Variants in LRP1B observed in about 807,000 individuals in gnomAD.
The protein encoded by LRP1B is LDL receptor related protein 1B.
A neutral mutation model predicts 556.6 loss-of-function variants in LRP1B; 217 were observed. The ratio of observed to expected loss-of-function variants is 0.39; its 90% CI spans 0.35 to 0.44. The LOEUF (loss-of-function observed/expected upper bound fraction) is 0.44, where lower values mean the gene tolerates loss of function less well. LRP1B is among the 20% of genes least tolerant of loss of function. The pLI, the probability that LRP1B is intolerant of heterozygous loss-of-function variation, is 1.00. For missense variants in LRP1B, 5,053 were observed against 5,620.8 expected (o/e 0.90, Z 3.23); for synonymous variants, 2,047 against 1,865.8 (o/e 1.10, Z -2.50).
chr2:140,779,419 G>A (rs1202829581), intron 32 of LRP1B, among the ~76,000 whole-genome samples: 2 of 152,052 alleles, frequency 1.3e-5, no homozygotes, highest in Non-Finnish European at 2.9e-5. Context: ...AAGTGTGGCC[G>A]GGCATGGTGG....
rs570137471 is a variant in LRP1B at position 140,248,741 on chromosome 2, G to T, written c.13248-1579C>A. 7.9e-5 allele frequency among the ~76,000 whole-genome samples: 12 copies of T among 151,312 alleles called. No homozygotes were observed. In the South Asian group the frequency reaches 2.3e-3, roughly 29 times the overall value. ...AAAATGTTCCAATTCTTCACATATTGTAATCATTGACACAGTCCACGGGTA... is the reference window on the plus strand; with the variant it reads ...AAAATGTTCCAATTCTTCACATATTTTAATCATTGACACAGTCCACGGGTA... On this transcript the variant is annotated intron_variant, in intron 86 of 90. Transcript: ENST00000389484.
chr2:141,622,388 A>G (rs964371974), intron 2 of LRP1B, among the ~76,000 whole-genome samples: 1 of 152,224 alleles, frequency 6.6e-6, no homozygotes, highest in African/African-American at 2.4e-5. Context: ...AATGTTGAAT[A>G]AAGAGAAAGT....
At chr2:141,435,889 A>G (rs1215155426) in intron 3 of LRP1B, among the ~76,000 whole-genome samples, 1 of 152,108 alleles carries the variant, frequency 6.6e-6, no homozygotes. Flanking sequence ...GTGGGAGGAG[A>G]AACACTGGCA....
In LRP1B at chr2:140,769,356, G is replaced by GC; in HGVS notation, c.5627-13dup. On this transcript the variant is annotated splice_polypyrimidine_tract_variant and intron_variant, in intron 34 of 90. Coordinates refer to ENST00000389484, the MANE Select transcript of LRP1B (RefSeq NM_018557.3). ...AAATGATTCTATACCTAAATGCAGG[G>GC]CCGGAGATAAGGGGGGGAAGGGAAG... 6.3e-7 allele frequency: 1 copy of GC among 1,589,676 alleles called. No homozygotes were observed. Among genetic ancestry groups the GC allele is most frequent in the Admixed American group, 1.8e-5 (1 of 56,040 alleles).
chr2:141,931,388 G>A (rs7597980), intron 1 of LRP1B, among the ~76,000 whole-genome samples: 11,704 of 151,868 alleles, frequency 0.077, 1,496 homozygotes, highest in African/African-American at 0.27. Context: ...TTTTAAAAGG[G>A]GTGGCACTGA....
At chr2:140,263,359 A>G (rs1274866754) in intron 86 of LRP1B, among the ~76,000 whole-genome samples, 1 of 152,158 alleles carries the variant, frequency 6.6e-6, no homozygotes, top group Non-Finnish European at 1.5e-5. Context: ...AGTTATACTC[A>G]GGTGGTTGAA....
chr2:140,827,058 G>T (rs1207619565), intron 31 of LRP1B, among the ~76,000 whole-genome samples: 1 of 152,014 alleles, frequency 6.6e-6, no homozygotes, highest in African/African-American at 2.4e-5. Flanking sequence ...AGGTAAATTT[G>T]GGATTAATAT....
intron 1 of LRP1B, among the ~76,000 whole-genome samples, chr2:142,013,739 T>A (rs192002628): frequency 5.9e-5 from 9 of 152,212 alleles, no homozygotes; most frequent in Admixed American, 4.6e-4. Flanking sequence ...ATTATAATTT[T>A]AAAAAAGTAG....
chr2:141,270,846 T>C (rs1249232398), intron 3 of LRP1B, among the ~76,000 whole-genome samples: 1 of 151,964 alleles, frequency 6.6e-6, no homozygotes, highest in Non-Finnish European at 1.5e-5. Flanking sequence ...TATGAGAAGA[T>C]AAAAAATTTC....
chr2:140,528,551 GGA>G (rs1690540755), intron 47 of LRP1B, among the ~76,000 whole-genome samples: 1 of 151,754 alleles, frequency 6.6e-6, no homozygotes. Context: ...AGGGGGACAA[GGA>G]TGGGCTATCA....
intron 43 of LRP1B, among the ~76,000 whole-genome samples, chr2:140,569,437 C>CT (rs1681243066): frequency 6.6e-6 from 1 of 151,780 alleles, no homozygotes; most frequent in Non-Finnish European, 1.5e-5. Context: ...ACAAAAGTAA[C>CT]TTTTAGTCAA....
chr2:140,261,101 A>T (rs980915804), intron 86 of LRP1B, among the ~76,000 whole-genome samples: 2 of 151,596 alleles, frequency 1.3e-5, no homozygotes, highest in African/African-American at 4.8e-5. Context: ...AGATGTTAAC[A>T]GTGTTAACAA....
At chr2:140,294,179 G>A (rs1049920207) in intron 84 of LRP1B, among the ~76,000 whole-genome samples, 18 of 152,056 alleles carry the variant, frequency 1.2e-4, no homozygotes, top group African/African-American at 4.1e-4. Flanking sequence ...AAAAACAAGA[G>A]GGGAAAATGA....
intron 84 of LRP1B, among the ~76,000 whole-genome samples, chr2:140,290,596 G>C (rs1353168366): frequency 2.6e-5 from 4 of 152,022 alleles, no homozygotes; most frequent in Non-Finnish European, 5.9e-5. Context: ...GGCTCTGTTC[G>C]AATAATTGAC....
chr2:140,685,824 G>C (rs999905448), intron 41 of LRP1B, among the ~76,000 whole-genome samples: 1 of 152,096 alleles, frequency 6.6e-6, no homozygotes, highest in African/African-American at 2.4e-5. Flanking sequence ...AATGGATCCT[G>C]TCTAGAACCA....
intron 1 of LRP1B, among the ~76,000 whole-genome samples, chr2:141,865,643 C>A (rs1487942462): frequency 1.3e-5 from 2 of 149,994 alleles, no homozygotes; most frequent in South Asian, 2.1e-4. Flanking sequence ...AAATTTTGAT[C>A]CAAACAAGAG....
At chr2:141,149,365 A>G (rs1408545311) in intron 7 of LRP1B, among the ~76,000 whole-genome samples, 1 of 152,158 alleles carries the variant, frequency 6.6e-6, no homozygotes, top group Non-Finnish European at 1.5e-5. Context: ...GACATTAAGA[A>G]TATTACGTGA....
intron 41 of LRP1B, among the ~76,000 whole-genome samples, chr2:140,674,982 G>A (rs1212981223): frequency 6.6e-6 from 1 of 152,178 alleles, no homozygotes; most frequent in Non-Finnish European, 1.5e-5. Context: ...TAGAGACTCT[G>A]GGAGAGGATC....
At chr2:141,417,535 G>A (rs190547264) in intron 3 of LRP1B, among the ~76,000 whole-genome samples, 39 of 152,124 alleles carry the variant, frequency 2.6e-4, no homozygotes, top group Non-Finnish European at 5.3e-4. Flanking sequence ...CATCCTTTAG[G>A]TGCATCTATG....
Sources: allele counts gnomAD v4.1 joint callset (sites outside exome capture counted in the v4.1 genomes callset), GRCh38; gene constraint gnomAD v4.1.1; transcripts MANE v1.5; gene names NCBI Gene and HGNC (gene_info 2026-07-23, HGNC 2026-07-21).